Variants in THSD7B observed in about 807,000 individuals in gnomAD.
THSD7B encodes thrombospondin type 1 domain containing 7B.
THSD7B carries 138 observed loss-of-function variants against 213.6 expected under a neutral mutation model. The ratio of observed to expected loss-of-function variants is 0.65; its 90% confidence interval spans 0.56 to 0.74. The LOEUF is 0.74. THSD7B is among the 30% of genes least tolerant of loss of function. The probability of loss-of-function intolerance (pLI) is 0.00; values close to 1 mark genes in which losing one functional copy is unlikely to be tolerated. For missense variants in THSD7B, 1,931 were observed against 1,991.5 expected (o/e 0.97, Z 0.58); for synonymous variants, 742 against 687.0 (o/e 1.08, Z -1.25).
In THSD7B at chr2:137,393,163, T is replaced by A. The variant is rs1480680012; in HGVS notation, c.2501-12450T>A. ...TCTTCCAGCTTTTTTTTTTTTAATT[T>A]TTTTTTTTTATTATACTTTAAGTTT... On this transcript the variant is annotated intron_variant, in intron 12 of 27. Coordinates refer to ENST00000409968, the MANE Select transcript of THSD7B (RefSeq NM_001316349.2). Among the ~76,000 whole-genome samples, 22 of 91,134 alleles carry A rather than the reference T, an allele frequency of 2.4e-4. 1 individual carries two copies. The highest frequency in any genetic ancestry group is 2.6e-4 in the Non-Finnish European group (10 of 39,090). The allele number at this position is 91,134 out of a possible 152,430, so 59.8% of individuals were successfully genotyped here.
intron 15 of THSD7B, among the ~76,000 whole-genome samples, chr2:137,517,605 G>A (rs189934806): frequency 5.3e-5 from 8 of 152,272 alleles, no homozygotes; most frequent in Admixed American, 1.3e-4. Context: ...TCCATTTGTC[G>A]AGTGATCCAA....
chr2:136,911,103 T>C (rs1008836628), intron 2 of THSD7B, among the ~76,000 whole-genome samples: 3 of 152,188 alleles, frequency 2.0e-5, no homozygotes, highest in African/African-American at 7.2e-5. Flanking sequence ...GATGCTGAAA[T>C]AACTTGGGAA....
intron 15 of THSD7B, among the ~76,000 whole-genome samples, chr2:137,501,011 G>A (rs1332049564): frequency 6.6e-6 from 1 of 152,100 alleles, no homozygotes; most frequent in Non-Finnish European, 1.5e-5. Context: ...GTAAGATTAA[G>A]CATCTCAGTA....
intron 12 of THSD7B, among the ~76,000 whole-genome samples, chr2:137,303,718 A>T (rs4954374): frequency 0.52 from 59,864 of 114,140 alleles, 14,652 homozygotes; most frequent in East Asian, 0.63. Flanking sequence ...ATATATATTT[A>T]TATATATATT....
chr2:137,420,623 A>G (rs1027286399), intron 14 of THSD7B, among the ~76,000 whole-genome samples: 3 of 152,186 alleles, frequency 2.0e-5, no homozygotes, highest in Non-Finnish European at 2.9e-5. Context: ...TCATCACTCT[A>G]TCATCACAAA....
chr2:137,642,597 C>G lies in THSD7B; in HGVS notation c.3909C>G (p.Ser1303Arg). The G allele has an allele frequency of 6.2e-7, 1 of 1,613,930 alleles. No individual in the cohort carries two copies. The highest frequency in any genetic ancestry group is 8.5e-7 in the Non-Finnish European group (1 of 1,179,862). ...CCTGCCCAGTGACCCCCTGCTACAG[C>G]TGGGTCCTTGGCAACTGGTCTGCAT... ...EKTCPVTPCY[S>R]WVLGNWSACK... The change falls in exon 21 of 28, where the codon AGC becomes AGG. Residue 1303 changes from serine to arginine, a missense_variant. Ser to Arg is a moderately radical substitution (Grantham distance 110, BLOSUM62 -1). Coordinates refer to ENST00000409968, the MANE Select transcript of THSD7B (RefSeq NM_001316349.2).
intron 2 of THSD7B, among the ~76,000 whole-genome samples, chr2:136,884,909 T>C (rs1019925878): frequency 2.6e-4 from 40 of 152,172 alleles, no homozygotes; most frequent in Admixed American, 4.6e-4. Flanking sequence ...ATTTTAAAGG[T>C]AAGCAATAAT....
intron 10 of THSD7B, among the ~76,000 whole-genome samples, chr2:137,245,630 G>C (rs1682011775): frequency 6.6e-6 from 1 of 152,126 alleles, no homozygotes; most frequent in Admixed American, 6.5e-5. Context: ...GCCCCTGCTA[G>C]ATTTTAAGTC....
intron 1 of THSD7B, among the ~76,000 whole-genome samples, chr2:136,795,586 T>C (rs969356756): frequency 2.0e-5 from 3 of 152,004 alleles, no homozygotes; most frequent in African/African-American, 7.2e-5. Flanking sequence ...AGTTAGGTAT[T>C]GTCATTTTTA....
chr2:137,535,413 G>A (rs765614935), intron 15 of THSD7B, among the ~76,000 whole-genome samples: 1 of 151,720 alleles, frequency 6.6e-6, no homozygotes, highest in Non-Finnish European at 1.5e-5. Flanking sequence ...ACACGGAAAT[G>A]GAATTCGAAC....
At chr2:137,356,059 C>G (rs968724824) in intron 12 of THSD7B, among the ~76,000 whole-genome samples, 6 of 152,146 alleles carry the variant, frequency 3.9e-5, no homozygotes, top group African/African-American at 1.4e-4. Context: ...GAAGGCTGCT[C>G]TGCTGTGGCA....
At chr2:136,982,606 G>A (rs934783827) in intron 2 of THSD7B, among the ~76,000 whole-genome samples, 1 of 152,140 alleles carries the variant, frequency 6.6e-6, no homozygotes, top group Admixed American at 6.5e-5. Context: ...GTAAAATGTG[G>A]AATTGTCTTG....
At chr2:137,167,083 A>G (rs1489945113) in intron 6 of THSD7B, among the ~76,000 whole-genome samples, 1 of 152,176 alleles carries the variant, frequency 6.6e-6, no homozygotes, top group African/African-American at 2.4e-5. Flanking sequence ...GTTGTTACCC[A>G]AAGTTCAGGG....
intron 12 of THSD7B, among the ~76,000 whole-genome samples, chr2:137,397,853 G>C (rs1229340188): frequency 7.9e-6 from 1 of 126,434 alleles, no homozygotes; most frequent in Non-Finnish European, 1.7e-5. Flanking sequence ...TTTCTTGGAG[G>C]CTTTGCTCAT....
intron 5 of THSD7B, among the ~76,000 whole-genome samples, chr2:137,132,194 TG>T (rs1688746234): frequency 6.6e-6 from 1 of 151,238 alleles, no homozygotes; most frequent in Admixed American, 6.6e-5. Context: ...CTGTTATTGG[TG>T]TATAAGTATG....
Position 137,450,989 on chromosome 2 carries a change from G to GA in THSD7B, c.3105dup (p.Arg1036ThrfsTer14). The GA allele has an allele frequency of 6.2e-7, 1 of 1,607,684 alleles. No homozygotes were observed. The highest frequency in any genetic ancestry group is 8.5e-7 in the Non-Finnish European group (1 of 1,176,654). On this transcript the variant is annotated frameshift_variant, in exon 15 of 28. Coordinates refer to ENST00000409968, the MANE Select transcript of THSD7B (RefSeq NM_001316349.2). LOFTEE classifies it high-confidence loss of function. ...CTAAAAGAAAAACCTTACAATGGAG[G>GA]ACGACCATGTCCCAAACTGGATCTC...
chr2:137,020,641 G>T (rs1686425895), intron 2 of THSD7B, among the ~76,000 whole-genome samples: 1 of 152,068 alleles, frequency 6.6e-6, no homozygotes, highest in Non-Finnish European at 1.5e-5. Flanking sequence ...TCCACTGACA[G>T]AAAGCATCCC....
intron 11 of THSD7B, among the ~76,000 whole-genome samples, chr2:137,274,975 CT>C (rs1353516834): frequency 1.3e-5 from 2 of 151,830 alleles, no homozygotes; most frequent in South Asian, 2.1e-4. Context: ...TTTCTCACTG[CT>C]TTTTTGAAGT....
chr2:137,301,402 C>T (rs894414429), intron 12 of THSD7B, among the ~76,000 whole-genome samples: 2 of 134,188 alleles, frequency 1.5e-5, no homozygotes, highest in Admixed American at 1.4e-4. Context: ...TAGTAATAAA[C>T]AAAATTAAAC....
Sources: allele counts gnomAD v4.1 joint callset (sites outside exome capture counted in the v4.1 genomes callset), GRCh38; gene constraint gnomAD v4.1.1; transcripts MANE v1.5; gene names NCBI Gene and HGNC (gene_info 2026-07-23, HGNC 2026-07-21).